The following PRKCE variants were observed in gnomAD, a reference collection of about 807,000 sequenced individuals.
The protein encoded by PRKCE is protein kinase C epsilon type.
In PRKCE, 16 loss-of-function variants were observed where a neutral mutation model predicts 85.4. The observed-to-expected ratio is 0.19, with a 90% CI of 0.13 to 0.28. PRKCE has a LOEUF of 0.28. Ranked by LOEUF, PRKCE falls within the 10% of genes least tolerant of loss-of-function variation. PRKCE has a pLI of 1.00. For missense variants in PRKCE, 573 were observed against 975.2 expected (o/e 0.59, Z 5.49); for synonymous variants, 388 against 371.5 (o/e 1.04, Z -0.51).
intron 3 of PRKCE, among the ~76,000 whole-genome samples, chr2:45,977,209 T>C (rs2104538647): frequency 6.6e-6 from 1 of 152,284 alleles, no homozygotes; most frequent in South Asian, 2.1e-4. Context: ...TTGTGTGTTT[T>C]TAAAAAGAAT....
intron 1 of PRKCE, among the ~76,000 whole-genome samples, chr2:45,809,820 C>T (rs1181167896): frequency 3.3e-5 from 5 of 149,528 alleles, no homozygotes; most frequent in Admixed American, 6.7e-5. Context: ...GCAGAGGTTG[C>T]GGTGAGCCAA....
At chr2:46,052,598 C>T (rs1010056624) in intron 10 of PRKCE, among the ~76,000 whole-genome samples, 3 of 152,186 alleles carry the variant, frequency 2.0e-5, no homozygotes, top group Non-Finnish European at 4.4e-5. Context: ...TCAATGCAGT[C>T]CCTAGTAAAA....
chr2:45,707,756 C>T (rs1382670119), intron 1 of PRKCE, among the ~76,000 whole-genome samples: 1 of 152,228 alleles, frequency 6.6e-6, no homozygotes, highest in Non-Finnish European at 1.5e-5. Flanking sequence ...ATGGAAATAG[C>T]TCCTGCATCC....
intron 13 of PRKCE, among the ~76,000 whole-genome samples, chr2:46,154,874 C>T (rs1677046572): frequency 6.6e-6 from 1 of 152,076 alleles, no homozygotes; most frequent in African/African-American, 2.4e-5. Flanking sequence ...CTATTTCCTT[C>T]CACAAGACTG....
chr2:45,855,935 C>T (rs1573622736), intron 2 of PRKCE, among the ~76,000 whole-genome samples: 1 of 152,120 alleles, frequency 6.6e-6, no homozygotes, highest in Non-Finnish European at 1.5e-5. Flanking sequence ...GAGATTTTGC[C>T]TTCAGGGTTT....
intron 1 of PRKCE, among the ~76,000 whole-genome samples, chr2:45,748,991 G>A (rs950131054): frequency 6.6e-6 from 1 of 151,412 alleles, no homozygotes; most frequent in African/African-American, 2.4e-5. Context: ...TTGGGTTCAA[G>A]CAATTCTCCT....
intron 6 of PRKCE, among the ~76,000 whole-genome samples, chr2:45,985,476 C>G (rs1301516690): frequency 1.3e-5 from 2 of 151,904 alleles, no homozygotes; most frequent in South Asian, 4.2e-4. Context: ...ATTGCATGGA[C>G]AATATTTTAA....
intron 10 of PRKCE, among the ~76,000 whole-genome samples, chr2:46,011,535 CT>C (rs1191097541): frequency 3.3e-5 from 5 of 152,134 alleles, no homozygotes; most frequent in African/African-American, 1.2e-4. Context: ...TTTACATTAT[CT>C]TTGGTACACC....
At chr2:45,891,654 A>G (rs1256385435) in intron 2 of PRKCE, among the ~76,000 whole-genome samples, 2 of 152,124 alleles carry the variant, frequency 1.3e-5, no homozygotes, top group East Asian at 1.9e-4. Context: ...TCCATCAACA[A>G]TCATGCAATG....
chr2:46,076,623 T>C (rs560444850), intron 10 of PRKCE, among the ~76,000 whole-genome samples: 127 of 152,278 alleles, frequency 8.3e-4, no homozygotes, highest in Middle Eastern at 3.4e-3. Context: ...AATGAAATTT[T>C]TACTTTCTCA....
chr2:45,703,590 G>A (rs796862399), intron 1 of PRKCE, among the ~76,000 whole-genome samples: 2 of 151,880 alleles, frequency 1.3e-5, no homozygotes, highest in South Asian at 4.2e-4. Flanking sequence ...GCTCATTGAC[G>A]GTAGAGGCAC....
At chr2:46,103,030 T>A (rs1213920055) in intron 11 of PRKCE, among the ~76,000 whole-genome samples, 1 of 152,232 alleles carries the variant, frequency 6.6e-6, no homozygotes, top group African/African-American at 2.4e-5. Flanking sequence ...AGAGTAGCAA[T>A]GTAATTTATT....
At chr2:46,086,500 A>G in intron 11 of PRKCE, 138 bp downstream of exon 11, 1 of 1,064,910 alleles carries the variant, frequency 9.4e-7, no homozygotes, top group Non-Finnish European at 1.3e-6. Context: ...ATTTGCTTAC[A>G]GAAGACTTTT....
intron 1 of PRKCE, among the ~76,000 whole-genome samples, chr2:45,824,289 A>T (rs1169707727): frequency 1.3e-4 from 20 of 152,250 alleles, no homozygotes; most frequent in Admixed American, 1.2e-3. Context: ...AAACATCTTT[A>T]TGAAGAAAGG....
At chr2:46,151,313 A>C in intron 13 of PRKCE, 84 bp downstream of exon 13, 1 of 1,158,770 alleles carries the variant, frequency 8.6e-7, no homozygotes, top group Non-Finnish European at 1.2e-6. Context: ...ACACACACAC[A>C]CACACACACA....
chr2:46,008,499 C>T (rs1404368688), intron 9 of PRKCE, among the ~76,000 whole-genome samples: 1 of 152,106 alleles, frequency 6.6e-6, no homozygotes, highest in Non-Finnish European at 1.5e-5. Flanking sequence ...TTTCTGGGAC[C>T]CCCTGAGAAG....
intron 1 of PRKCE, among the ~76,000 whole-genome samples, chr2:45,756,575 C>G (rs546709403): frequency 1.2e-4 from 18 of 152,224 alleles, no homozygotes; most frequent in African/African-American, 3.9e-4. Context: ...TAGTCTTAAA[C>G]TGGAAACAAC....
intron 1 of PRKCE, among the ~76,000 whole-genome samples, chr2:45,781,843 C>A (rs1481562853): frequency 6.6e-6 from 1 of 152,136 alleles, no homozygotes; most frequent in African/African-American, 2.4e-5. Flanking sequence ...TTAGAATCAT[C>A]AATTTCATTG....
chr2:45,819,670 C>T (rs949934690), intron 1 of PRKCE, among the ~76,000 whole-genome samples: 1 of 152,140 alleles, frequency 6.6e-6, no homozygotes, highest in Admixed American at 6.5e-5. Context: ...GGACTGAGGC[C>T]AGCCTGGATG....
Sources: allele counts gnomAD v4.1 joint callset (sites outside exome capture counted in the v4.1 genomes callset), GRCh38; gene constraint gnomAD v4.1.1; transcripts MANE v1.5; gene names NCBI Gene and HGNC (gene_info 2026-07-23, HGNC 2026-07-21).